SPAG16: variants seen among roughly 807,000 people sequenced by gnomAD.
The protein encoded by SPAG16 is sperm-associated antigen 16 protein.
Under a neutral mutation model 80.4 loss-of-function variants are expected in SPAG16, and 86 were observed. The ratio of observed to expected loss-of-function variants is 1.07; its 90% confidence interval spans 0.90 to 1.28. SPAG16 has a LOEUF of 1.28. Among genes scored for constraint, SPAG16 ranks in the 50% most tolerant of loss-of-function variants. The probability of loss-of-function intolerance (pLI) is 0.00; values close to 1 mark genes in which losing one functional copy is unlikely to be tolerated. For missense variants in SPAG16, 870 were observed against 765.3 expected, an observed-to-expected ratio of 1.14 and a Z score of -1.61; for synonymous variants, 294 against 265.9, an observed-to-expected ratio of 1.11 and a Z score of -1.03.
At chr2:213,898,185 G>C (rs749740054) in intron 11 of SPAG16, among the ~76,000 whole-genome samples, 11 of 152,110 alleles carry the variant, frequency 7.2e-5, no homozygotes, top group Non-Finnish European at 1.6e-4. Flanking sequence ...GTATGTTTCA[G>C]AAACAAAGCT....
At chr2:213,485,964 A>C (rs187181111) in intron 9 of SPAG16, among the ~76,000 whole-genome samples, 1 of 152,212 alleles carries the variant, frequency 6.6e-6, no homozygotes, top group Non-Finnish European at 1.5e-5. Flanking sequence ...AAAATATTTT[A>C]TTATTTTTAA....
chr2:213,606,596 G>T (rs1298371622), intron 10 of SPAG16, among the ~76,000 whole-genome samples: 1 of 151,984 alleles, frequency 6.6e-6, no homozygotes, highest in Non-Finnish European at 1.5e-5. Context: ...TTTTTACTTG[G>T]TGCAGTTACC....
At chr2:213,526,452 A>G (rs1207153656) in intron 10 of SPAG16, among the ~76,000 whole-genome samples, 1 of 152,138 alleles carries the variant, frequency 6.6e-6, no homozygotes, top group African/African-American at 2.4e-5. Flanking sequence ...TTTTAATCAA[A>G]TTGGTTTCAT....
At chr2:213,929,780 T>C (rs2078666722) in intron 11 of SPAG16, among the ~76,000 whole-genome samples, 180 bp from the exon 12 acceptor site, 1 of 152,150 alleles carries the variant, frequency 6.6e-6, no homozygotes, top group South Asian at 2.1e-4. Context: ...TACTAAGCAA[T>C]TCAAGTTAGC....
chr2:214,370,850 C>A (rs373742563), intron 15 of SPAG16, among the ~76,000 whole-genome samples: 1 of 152,094 alleles, frequency 6.6e-6, no homozygotes, highest in African/African-American at 2.4e-5. Flanking sequence ...CATAGGCATA[C>A]GTTAGAGCAA....
intron 15 of SPAG16, among the ~76,000 whole-genome samples, chr2:214,186,073 T>C (rs558576144): frequency 6.6e-6 from 1 of 152,216 alleles, no homozygotes; most frequent in East Asian, 1.9e-4. Flanking sequence ...GTTGAATTGA[T>C]AACAAAGAAT....
At chr2:213,759,207 T>G (rs1036064194) in intron 10 of SPAG16, among the ~76,000 whole-genome samples, 1 of 152,066 alleles carries the variant, frequency 6.6e-6, no homozygotes, top group Non-Finnish European at 1.5e-5. Flanking sequence ...GACAGTAACT[T>G]GAAGTTGTGT....
chr2:213,524,179 C>G (rs921407673), intron 10 of SPAG16, among the ~76,000 whole-genome samples: 4 of 152,208 alleles, frequency 2.6e-5, no homozygotes, highest in African/African-American at 9.6e-5. Flanking sequence ...AGGTAAAGCT[C>G]AGGCTGTGGC....
At chr2:213,747,236 A>G (rs1010281353) in intron 10 of SPAG16, among the ~76,000 whole-genome samples, 2 of 152,240 alleles carry the variant, frequency 1.3e-5, no homozygotes, top group Admixed American at 6.5e-5. Flanking sequence ...TAAAGAAAAT[A>G]TTCTGTATAG....
intron 12 of SPAG16, 137 bp downstream of exon 12, chr2:213,930,282 G>A: frequency 1.9e-6 from 1 of 534,032 alleles, no homozygotes; most frequent in Non-Finnish European, 3.1e-6. Context: ...TAAGATTATA[G>A]AGAGCTACTT....
At chr2:213,621,394 A>C (rs2061777627) in intron 10 of SPAG16, among the ~76,000 whole-genome samples, 2 of 152,122 alleles carry the variant, frequency 1.3e-5, no homozygotes, top group Admixed American at 6.5e-5. Context: ...AGCAGAACCT[A>C]TTTTTTGGAA....
intron 11 of SPAG16, among the ~76,000 whole-genome samples, chr2:213,898,941 G>C (rs1355165804): frequency 6.6e-6 from 1 of 152,106 alleles, no homozygotes; most frequent in African/African-American, 2.4e-5. Context: ...AAACATGAGA[G>C]GTAATTAGTC....
chr2:213,750,857 T>C (rs2068046823), intron 10 of SPAG16, among the ~76,000 whole-genome samples: 2 of 152,220 alleles, frequency 1.3e-5, no homozygotes, highest in Non-Finnish European at 2.9e-5. Context: ...CTTCCCTTAA[T>C]ATGGGTTGCA....
chr2:213,358,335 A>G (rs1268343238), intron 7 of SPAG16, among the ~76,000 whole-genome samples: 2 of 152,132 alleles, frequency 1.3e-5, no homozygotes, highest in Non-Finnish European at 2.9e-5. Context: ...TCTCCTGGAT[A>G]ATATCCTGAA....
chr2:213,965,343 G>A (rs2044657288), intron 12 of SPAG16, among the ~76,000 whole-genome samples: 1 of 152,164 alleles, frequency 6.6e-6, no homozygotes, highest in Non-Finnish European at 1.5e-5. Flanking sequence ...CGTAAGTCGA[G>A]AAGCATCTGT....
At chr2:214,381,308 A>G (rs1454888248) in intron 15 of SPAG16, among the ~76,000 whole-genome samples, 1 of 152,226 alleles carries the variant, frequency 6.6e-6, no homozygotes, top group Non-Finnish European at 1.5e-5. Context: ...GATCAAATCA[A>G]GAGGTGCTTT....
rs1575263730 is a variant in SPAG16 at position 213,340,328 on chromosome 2, T to C, written c.644+58T>C. The C allele has an allele frequency of 5.0e-6, 6 of 1,194,056 alleles. No homozygotes were observed. The East Asian group carries it at 1.2e-4, about 25-fold the overall frequency. 74.0% of individuals were successfully genotyped at this position (1,194,056 alleles called of 1,614,324 possible). On this transcript the variant is annotated intron_variant, in intron 6 of 15. Transcript: ENST00000331683. ...GAGTTATTTAATACATGTTAAGTAA[T>C]TTGATTATGACAAAGTTTTAGACAA... is the stretch of plus-strand genomic sequence containing the variant.
intron 10 of SPAG16, among the ~76,000 whole-genome samples, chr2:213,748,445 TTC>T (rs1188616732): frequency 2.0e-5 from 3 of 152,038 alleles, no homozygotes; most frequent in African/African-American, 4.8e-5. Flanking sequence ...AGTCTATATT[TTC>T]TCTTTTTATT....
intron 10 of SPAG16, among the ~76,000 whole-genome samples, chr2:213,644,038 C>T (rs1210615751): frequency 1.3e-5 from 2 of 151,186 alleles, no homozygotes; most frequent in Non-Finnish European, 2.9e-5. Flanking sequence ...TCCTCAGCCT[C>T]CCAAAATGCT....
Sources: gnomAD v4.1 joint callset for allele counts (sites outside exome capture counted in the v4.1 genomes callset) on GRCh38, gnomAD v4.1.1 for gene constraint, MANE v1.5 for transcripts, NCBI Gene and HGNC (gene_info 2026-07-23, HGNC 2026-07-21) for gene names.